The following WNK3 variants were observed in gnomAD, a reference collection of about 807,000 sequenced individuals.
WNK3 encodes the protein WNK lysine deficient protein kinase 3, also known as serine/threonine-protein kinase WNK3.
WNK3 carries 18 observed loss-of-function variants against 116.7 expected under a neutral mutation model. The ratio of observed to expected loss-of-function variants is 0.15; its 90% CI spans 0.11 to 0.23. The LOEUF is 0.23. Ranked by LOEUF, WNK3 falls within the 10% of genes least tolerant of loss-of-function variation. The pLI is 1.00. For missense variants in WNK3, 993 were observed against 1,323.8 expected (o/e 0.75, Z 3.88); for synonymous variants, 404 against 469.4 (o/e 0.86, Z 1.80).
intron 22 of WNK3, chrX:54,224,110 T>C (rs1342950208): frequency 8.8e-6 from 1 of 113,696 alleles, no homozygotes; most frequent in African/African-American, 3.3e-5. Flanking sequence ...TCCCAGCACT[T>C]TGGGAGGCTG....
At chrX:54,222,939 TA>T (rs10591701) in intron 22 of WNK3, among the ~76,000 whole-genome samples, 1 of 89,706 alleles carries the variant, frequency 1.1e-5, no homozygotes, top group Non-Finnish European at 2.1e-5. Context: ...TATATATATA[TA>T]AAAAAAGACA....
intron 22 of WNK3, among the ~76,000 whole-genome samples, chrX:54,221,884 T>C (rs1024575440): frequency 2.8e-5 from 3 of 106,205 alleles, no homozygotes; most frequent in Non-Finnish European, 3.9e-5. Context: ...TGACTGGGTG[T>C]GGTGGCTCAC....
At chrX:54,311,522 A>C (rs782722639) in intron 2 of WNK3, among the ~76,000 whole-genome samples, 23 of 112,115 alleles carry the variant, frequency 2.1e-4, no homozygotes, top group Admixed American at 2.0e-3. Context: ...GTACATTATA[A>C]ACCCACCTGG....
exon 20 of WNK3, chrX:54,237,144 T>G: frequency 1.7e-6 from 2 of 1,211,936 alleles, no homozygotes; most frequent in Non-Finnish European, 2.2e-6. Flanking sequence ...TGGCTGAAAA[T>G]TCACTATCAG....
chrX:54,231,321 T>G (rs1557148863), intron 21 of WNK3, among the ~76,000 whole-genome samples: 1 of 112,072 alleles, frequency 8.9e-6, no homozygotes, highest in East Asian at 2.8e-4. Flanking sequence ...AGTTGTCTAT[T>G]GTTGTTGTAA....
rs1557165775 is a variant in WNK3, at chrX:54,294,471, T to G, written c.1693+82A>C. 3.8e-6 allele frequency: 3 copies of G among 789,807 alleles called. No homozygotes were observed. In the Admixed American group the frequency reaches 1.3e-4, roughly 33 times the overall value. The allele number at this position is 789,807 out of a possible 1,213,427, so 65.1% of individuals were successfully genotyped here. A position where few individuals can be genotyped will look rare whatever the true frequency, so the allele number is the denominator to read the frequency against. Reference sequence around the variant, plus strand: ...AAGGAAAAGAAACAAAATAGGTCATTGACCACTGCCCTTCAAAATAAATAA... The same window carrying G: ...AAGGAAAAGAAACAAAATAGGTCATGGACCACTGCCCTTCAAAATAAATAA... On this transcript the variant is annotated intron_variant, in intron 8 of 23. Coordinates refer to ENST00000354646, the Ensembl canonical transcript of WNK3.
At position 54,286,654 on chromosome X, in the gene WNK3, T is replaced by C. The variant is rs781896618; in HGVS notation, c.2037+6234A>G. Among the ~76,000 whole-genome samples the C allele has an allele frequency of 3.3e-4, 37 of 111,185 alleles. 1 individual carries two copies. Among genetic ancestry groups the C allele is most frequent in the African/African-American group, 1.1e-3 (34 of 30,609 alleles). ...AGGGCTGGGCATGGTGGCTCACGTC[T>C]GTGATCTCAGCACTTTGGGAGGCTG... On this transcript the variant is annotated intron_variant, in intron 10 of 23. Transcript: ENST00000354646.
At chrX:54,358,858 G>A (rs1364782353), upstream of WNK3, among the ~76,000 whole-genome samples, 1 of 112,963 alleles carries the variant, frequency 8.9e-6, no homozygotes, top group Admixed American at 9.3e-5. Flanking sequence ...CTCTGACCGG[G>A]AGGGGGATTT....
At chrX:54,349,448 A>G (rs782718928) in intron 1 of WNK3, among the ~76,000 whole-genome samples, 1 of 112,231 alleles carries the variant, frequency 8.9e-6, no homozygotes, top group African/African-American at 3.2e-5. Flanking sequence ...TACAACACCT[A>G]CATAAAGAAA....
chrX:54,282,947 C>CG (rs2068534363), intron 10 of WNK3, among the ~76,000 whole-genome samples: 9 of 111,133 alleles, frequency 8.1e-5, no homozygotes, highest in Admixed American at 7.7e-4. Context: ...CACAAAGTAA[C>CG]GAAAGAAAAC....
intron 17 of WNK3, among the ~76,000 whole-genome samples, chrX:54,246,774 T>C (rs782200643): frequency 8.9e-6 from 1 of 112,007 alleles, no homozygotes; most frequent in Non-Finnish European, 1.9e-5. Context: ...ACTAGTCACA[T>C]TTCAAGTGCT....
intron 10 of WNK3, among the ~76,000 whole-genome samples, chrX:54,268,112 AC>A (rs1557158263): frequency 9.2e-6 from 1 of 108,294 alleles, no homozygotes; most frequent in Non-Finnish European, 1.9e-5. Context: ...ACACACACAC[AC>A]ACACACACAC....
At chrX:54,212,797 G>C (rs2067630648) in intron 22 of WNK3, among the ~76,000 whole-genome samples, 1 of 111,192 alleles carries the variant, frequency 9.0e-6, no homozygotes, top group Non-Finnish European at 1.9e-5. Context: ...ATGTGGTAAT[G>C]GATTAGAGTT....
intron 22 of WNK3, among the ~76,000 whole-genome samples, chrX:54,222,918 ATATATAT>A (rs1197486840): frequency 1.2e-5 from 1 of 82,446 alleles, no homozygotes; most frequent in Non-Finnish European, 2.2e-5. Context: ...TAATAATAAT[ATATATAT>A]ATATATATAT....
intron 17 of WNK3, among the ~76,000 whole-genome samples, chrX:54,243,875 C>T (rs2068049233): frequency 8.9e-6 from 1 of 111,862 alleles, no homozygotes; most frequent in Non-Finnish European, 1.9e-5. Flanking sequence ...GTAGAAACAA[C>T]CTAAATGTCC....
At chrX:54,218,598 A>G (rs1266475952) in intron 22 of WNK3, among the ~76,000 whole-genome samples, 1 of 110,048 alleles carries the variant, frequency 9.1e-6, no homozygotes, top group African/African-American at 3.3e-5. Context: ...AAAAGAAAAG[A>G]AAGAGGCCGG....
At chrX:54,353,545 G>A (rs1166394898) in intron 1 of WNK3, among the ~76,000 whole-genome samples, 2 of 110,789 alleles carry the variant, frequency 1.8e-5, no homozygotes, top group Non-Finnish European at 3.8e-5. Context: ...AAGTTACTAT[G>A]CTACCAGCCT....
chrX:54,201,841 A>C, intron 23 of WNK3, 150 bp downstream of exon 23: 1 of 498,721 alleles, frequency 2.0e-6, no homozygotes, highest in Admixed American at 4.1e-5. Context: ...TAATTTGCTC[A>C]AAGACATAAT....
chrX:54,225,403 A>C (rs2067823615), intron 22 of WNK3, among the ~76,000 whole-genome samples: 1 of 108,778 alleles, frequency 9.2e-6, no homozygotes, highest in Admixed American at 9.9e-5. Flanking sequence ...GGTGGATCAC[A>C]TGAGGTCAGG....
Sources: allele counts gnomAD v4.1 joint callset (sites outside exome capture counted in the v4.1 genomes callset), GRCh38; gene constraint gnomAD v4.1.1; transcripts MANE v1.5; gene names NCBI Gene and HGNC (gene_info 2026-07-23, HGNC 2026-07-21).